Variants in OLFM1 observed in about 807,000 individuals in gnomAD.
OLFM1 encodes olfactomedin 1.
OLFM1 carries 9 observed loss-of-function variants against 49.7 expected under a neutral mutation model. The ratio of observed to expected loss-of-function variants is 0.18; its 90% CI spans 0.11 to 0.32. The LOEUF (loss-of-function observed/expected upper bound fraction) is 0.32, where lower values mean the gene tolerates loss of function less well. Ranked by LOEUF, OLFM1 falls within the 10% of genes least tolerant of loss-of-function variation. The pLI, the probability that OLFM1 is intolerant of heterozygous loss-of-function variation, is 1.00. For synonymous variants in OLFM1, 240 were observed against 271.8 expected, an observed-to-expected ratio of 0.88 and a Z score of 1.15; for missense variants, 369 against 661.8, an observed-to-expected ratio of 0.56 and a Z score of 4.85.
chr9:135,106,914 G>C (rs1191316391), intron 5 of OLFM1, 59 bp downstream of exon 5: 1 of 1,360,018 alleles, frequency 7.4e-7, no homozygotes, highest in Non-Finnish European at 1.0e-6. Context: ...CGGACACCTG[G>C]TGGGCCCCAG....
intron 4 of OLFM1, among the ~76,000 whole-genome samples, chr9:135,104,930 G>A (rs763420979): frequency 5.9e-5 from 9 of 152,350 alleles, no homozygotes; most frequent in Non-Finnish European, 1.0e-4. Flanking sequence ...TCTCTTGTGA[G>A]ACTTCTCAGA....
chr9:135,099,902 G>A (rs374579930), intron 4 of OLFM1, among the ~76,000 whole-genome samples: 24 of 152,152 alleles, frequency 1.6e-4, no homozygotes, highest in East Asian at 1.2e-3. Context: ...AGGAGTTGGT[G>A]TGAATGTTAA....
chr9:135,104,762 C>T (rs919282832), intron 4 of OLFM1, among the ~76,000 whole-genome samples: 1 of 152,142 alleles, frequency 6.6e-6, no homozygotes, highest in Non-Finnish European at 1.5e-5. Flanking sequence ...AGCCCAGGGC[C>T]CCCCAGCAGC....
intron 2 of OLFM1, among the ~76,000 whole-genome samples, chr9:135,091,525 T>TCA (rs750324708): frequency 0.04 from 4,311 of 108,808 alleles, 121 homozygotes; most frequent in African/African-American, 0.1. Flanking sequence ...ACACACATAG[T>TCA]CACACAGTCA....
In OLFM1 at chr9:135,110,099, C is replaced by T. The variant is rs375324291; in HGVS notation, c.783+3244C>T. Reference sequence around the variant, plus strand: ...GCCCCACAGCCCCTCCTTTCCTTCCCGCCCGTCCCATTGCCTCAGTGTTGG... The same window carrying T: ...GCCCCACAGCCCCTCCTTTCCTTCCTGCCCGTCCCATTGCCTCAGTGTTGG... On this transcript the variant is annotated intron_variant, in intron 5 of 5. Coordinates refer to ENST00000371793, the MANE Select transcript of OLFM1 (RefSeq NM_001282611.2). 1.1e-4 allele frequency among the ~76,000 whole-genome samples: 16 copies of T among 152,198 alleles called. No homozygotes were observed. In the East Asian group the frequency reaches 2.5e-3, roughly 24 times the overall value.
At chr9:135,104,572 G>C (rs578196929) in intron 4 of OLFM1, among the ~76,000 whole-genome samples, 1 of 152,200 alleles carries the variant, frequency 6.6e-6, no homozygotes, top group African/African-American at 2.4e-5. Context: ...ACTCCTCTAG[G>C]CTTCTCCTTC....
chr9:135,107,762 T>A (rs1033121479), intron 5 of OLFM1, among the ~76,000 whole-genome samples: 1 of 152,194 alleles, frequency 6.6e-6, no homozygotes, highest in Non-Finnish European at 1.5e-5. Flanking sequence ...AACCCAGCTC[T>A]GCCCTGGGCC....
chr9:135,087,688 G>A lies in OLFM1; in HGVS notation c.-302G>A, dbSNP rs1024022205. The stretch of plus-strand genomic sequence containing the variant: ...CGCTCAGAGCCGGACGGCGCTTCCC[G>A]GTGGCGGCGGAGGAGCCCGGAGGGA... On this transcript the variant is annotated 5_prime_UTR_variant, in exon 1 of 6. Transcript: ENST00000371793. 4.9e-5 allele frequency: 21 copies of A among 432,414 alleles called. No homozygotes were observed. The highest frequency in any genetic ancestry group is 6.3e-5 in the Non-Finnish European group (19 of 301,444). 26.8% of individuals were successfully genotyped at this position (432,414 alleles called of 1,614,324 possible).
intron 1 of OLFM1, among the ~76,000 whole-genome samples, chr9:135,089,053 G>GAGTCTCCC: frequency 6.6e-6 from 1 of 152,290 alleles, no homozygotes; most frequent in South Asian, 2.1e-4. Context: ...TGAAGGACGT[G>GAGTCTCCC]AGTCTCCCTC....
rs1358597137 is a variant in OLFM1, at chr9:135,087,864, G to A, written c.-126G>A. ...GCGGCGGCGGCGGGCGGGCGGCGGCGGGCCGAGGGGGCGCGGGGACACAGC... is the reference window on the plus strand; with the variant it reads ...GCGGCGGCGGCGGGCGGGCGGCGGCAGGCCGAGGGGGCGCGGGGACACAGC... On this transcript the variant is annotated 5_prime_UTR_variant, in exon 1 of 6. Coordinates refer to ENST00000371793, the MANE Select transcript of OLFM1 (RefSeq NM_001282611.2). The A allele has an allele frequency of 7.3e-6, 7 of 958,874 alleles. No homozygotes were observed. Among genetic ancestry groups the A allele is most frequent in the African/African-American group, 1.8e-5 (1 of 55,882 alleles). 59.4% of individuals were successfully genotyped at this position (958,874 alleles called of 1,614,324 possible).
At chr9:135,115,130 G>A (rs927945496) in intron 5 of OLFM1, among the ~76,000 whole-genome samples, 1 of 152,230 alleles carries the variant, frequency 6.6e-6, no homozygotes, top group African/African-American at 2.4e-5. Context: ...AAGGGTGAAT[G>A]TACTTCTTTG....
chr9:135,110,671 C>A (rs56872441), intron 5 of OLFM1, among the ~76,000 whole-genome samples: 5,219 of 152,274 alleles, frequency 0.034, 211 homozygotes, highest in African/African-American at 0.099. Context: ...GAGGAGGGAC[C>A]TTCCCAGGAC....
At position 135,117,006 on chromosome 9, in the gene OLFM1, TC is replaced by T. The variant is rs2119144561; in HGVS notation, c.784-2495del. 6.6e-6 allele frequency among the ~76,000 whole-genome samples: 1 copy of T among 152,164 alleles called. No individual in the cohort carries two copies. Among genetic ancestry groups the T allele is most frequent in the African/African-American group, 2.4e-5 (1 of 41,504 alleles). On this transcript the variant is annotated intron_variant, in intron 5 of 5. Transcript: ENST00000371793. The surrounding 1 kb of genome is among the most constrained non-coding windows in gnomAD (Gnocchi z 5.5). ...CGTGTGTAATGCCAAGTCTGAAAGC[TC>T]CCTCATCCTTAGTCTCCTGCAGCTC...
At chr9:135,119,028 A>ACTCACTGGATCTTTGGAAGTG (rs1167381028) in intron 5 of OLFM1, among the ~76,000 whole-genome samples, 2 of 110,828 alleles carry the variant, frequency 1.8e-5, no homozygotes, top group African/African-American at 4.0e-5. Flanking sequence ...TCTTTGGATT[A>ACTCACTGGATCTTTGGAAGTG]CTCACTGGAT....
At chr9:135,079,200 C>T (rs938852122) in intron 1 of OLFM1, among the ~76,000 whole-genome samples, 8 of 152,140 alleles carry the variant, frequency 5.3e-5, no homozygotes, top group African/African-American at 1.9e-4. Flanking sequence ...GTGTCTGCAC[C>T]GAGTGCTCTG....
At chr9:135,087,645 C>G (rs1309636164), upstream of OLFM1, 6 of 553,622 alleles carry the variant, frequency 1.1e-5, no homozygotes, top group Non-Finnish European at 1.6e-5. Flanking sequence ...CCGCGGCCCC[C>G]GCGCGCAGCC....
intron 4 of OLFM1, chr9:135,105,720 G>A (rs1387370336): frequency 6.6e-6 from 1 of 152,318 alleles, no homozygotes; most frequent in Admixed American, 6.5e-5. Context: ...GCAGACCTAG[G>A]AGGTCACAGG....
In OLFM1 at chr9:135,078,544, T is replaced by G. The variant is rs986505461; in HGVS notation, c.96+2742T>G. On this transcript the variant is annotated intron_variant, in intron 1 of 5. Transcript: ENST00000252854. Reference sequence around the variant, plus strand: ...CGCAAGGCTGTGGGGCCAGGTGAACTTTGTCCTCAGACAGAAAGACATTTC... The same window carrying G: ...CGCAAGGCTGTGGGGCCAGGTGAACGTTGTCCTCAGACAGAAAGACATTTC... Among the ~76,000 whole-genome samples the G allele has an allele frequency of 5.3e-5, 8 of 152,346 alleles. No homozygotes were observed. The East Asian group carries it at 1.5e-3, about 29-fold the overall frequency.
At chr9:135,095,535 A>ATT (rs1830778066) in intron 2 of OLFM1, among the ~76,000 whole-genome samples, 1 of 147,486 alleles carries the variant, frequency 6.8e-6, no homozygotes, top group East Asian at 2.0e-4. Context: ...AAAAAAAGAG[A>ATT]GAGAGAGAGA....
Sources: gnomAD v4.1 joint callset for allele counts (sites outside exome capture counted in the v4.1 genomes callset) on GRCh38, gnomAD v4.1.1 for gene constraint, Gnocchi (gnomAD v3.1) non-coding constraint, MANE v1.5 for transcripts, NCBI Gene and HGNC (gene_info 2026-07-23, HGNC 2026-07-21) for gene names.